CEP170B: variants seen among roughly 807,000 people sequenced by gnomAD.
The protein encoded by CEP170B is centrosomal protein of 170 kDa protein B.
Under a neutral mutation model 120.6 loss-of-function variants are expected in CEP170B, and 55 were observed. The observed-to-expected ratio is 0.46, with a 90% CI of 0.37 to 0.57. CEP170B has a LOEUF of 0.57. CEP170B is among the 20% of genes least tolerant of loss of function. The pLI, the probability that CEP170B is intolerant of heterozygous loss-of-function variation, is 0.00. For synonymous variants in CEP170B, 1,033 were observed against 954.5 expected, an observed-to-expected ratio of 1.08 and a Z score of -1.52; for missense variants, 2,212 against 2,253.3, an observed-to-expected ratio of 0.98 and a Z score of 0.37.
At chr14:104,872,176 C>CGTGT (rs1383889305) in intron 2 of CEP170B, among the ~76,000 whole-genome samples, 1 of 129,778 alleles carries the variant, frequency 7.7e-6, no homozygotes, top group African/African-American at 3.0e-5. Context: ...CGTGTGTGTG[C>CGTGT]GTGTGTGTGC....
At chr14:104,878,327 G>A in intron 4 of CEP170B, 116 bp from the exon 5 acceptor site, 14 of 1,039,494 alleles carry the variant, frequency 1.3e-5, no homozygotes, top group Non-Finnish European at 1.8e-5. Context: ...GAAGAAAGAG[G>A]CCCCTCCTCT....
chr14:104,892,180 G>T (rs1453457934), intron 13 of CEP170B, among the ~76,000 whole-genome samples: 1 of 152,176 alleles, frequency 6.6e-6, no homozygotes, highest in Admixed American at 6.5e-5. Context: ...CCTAAGTGGG[G>T]CAGGACCTGC....
chr14:104,886,164 C>T, intron 11 of CEP170B, 34 bp downstream of exon 11: 2 of 1,498,604 alleles, frequency 1.3e-6, no homozygotes, highest in Non-Finnish European at 1.8e-6. Context: ...GGAGTCGGGC[C>T]AGGCCGGGGC....
At chr14:104,892,155 G>A (rs556025611) in intron 13 of CEP170B, among the ~76,000 whole-genome samples, 4 of 152,134 alleles carry the variant, frequency 2.6e-5, no homozygotes, top group Admixed American at 6.5e-5. Context: ...AGGTCCCCAC[G>A]GCCTGGGCTG....
In CEP170B at chr14:104,887,010, T is replaced by C; in HGVS notation, c.2771T>C (p.Leu924Pro). The C allele has an allele frequency of 6.2e-7, 1 of 1,610,226 alleles. No homozygotes were observed. Residue 924 changes from leucine to proline, a missense_variant, in exon 12 of 19, where the codon CTG becomes CCG. Leu to Pro is a moderately conservative substitution (Grantham distance 98). Transcript: ENST00000414716. The stretch of plus-strand genomic sequence containing the variant: ...GAGACGGAGACGGCCCTGGCGGCCC[T>C]GGAGGCCCGACTCCTCTCTAATTCT... ...LKETETALAALEARLLSNSVD... is the reference protein window; with the variant it reads ...LKETETALAAPEARLLSNSVD...
In CEP170B at chr14:104,894,832, A is replaced by G. The variant is rs767178438; in HGVS notation, c.4539A>G (p.Ser1513=). 19 of 1,577,058 alleles carry G rather than the reference A, an allele frequency of 1.2e-5. No homozygotes were observed. The highest frequency in any genetic ancestry group is 1.5e-5 in the Non-Finnish European group (18 of 1,163,828). ...GCGTGGCTGCCCAGAGCCCACCCTC[A>G]CCCGCCTCAGCCGAGGCCCTGCTGC... is the stretch of plus-strand genomic sequence containing the variant. ...KGRVAAQSPP[S]PASAEALLPA... is the part of the protein sequence containing the mutation. Residue 1513 remains serine (S), a synonymous_variant, in exon 19 of 19, where the codon TCA becomes TCG. Transcript: ENST00000414716.
rs927921242 is a variant in CEP170B at position 104,869,146 on chromosome 14, G to C, written c.105+591G>C. Among the ~76,000 whole-genome samples the C allele has an allele frequency of 8.5e-5, 13 of 152,306 alleles. No individual in the cohort carries two copies. In the East Asian group the frequency reaches 2.5e-3, roughly 29 times the overall value. On this transcript the variant is annotated intron_variant, in intron 2 of 18. Transcript: ENST00000414716. ...GTTTGAGGTCTGAGTTTGGCTTTGT[G>C]GGGCTTGCGATCTGGCTGTTTGAGA... is the stretch of plus-strand genomic sequence containing the variant.
chr14:104,868,639 G>A lies in CEP170B; in HGVS notation c.105+84G>A. 7.6e-7 allele frequency: 1 copy of A among 1,315,598 alleles called. No individual in the cohort carries two copies. The highest frequency in any genetic ancestry group is 1.0e-6 in the Non-Finnish European group (1 of 959,860). 81.5% of individuals were successfully genotyped at this position (1,315,598 alleles called of 1,614,324 possible). Reference sequence around the variant, plus strand: ...GGCCAGGAAGGTGCCCACCCCACTTGCTGCAGGCCACCCTGGCGAGGAGGC... The same window carrying A: ...GGCCAGGAAGGTGCCCACCCCACTTACTGCAGGCCACCCTGGCGAGGAGGC... On this transcript the variant is annotated intron_variant, in intron 2 of 18. Transcript: ENST00000414716. This position sits in a 1 kb window ranked among gnomAD's most constrained non-coding sequence, Gnocchi z 5.9.
At chr14:104,877,845 CG>C (rs2140662395) in intron 3 of CEP170B, 39 bp from the exon 4 acceptor site, 1 of 502,510 alleles carries the variant, frequency 2.0e-6, no homozygotes, top group Non-Finnish European at 3.1e-6. Context: ...CACCCACCCG[CG>C]CAGCTCCCCC....
rs923366655 is a variant in CEP170B at position 104,870,902 on chromosome 14, C to T, written c.105+2347C>T. ...CGAGTGTGGGAAGGCTGTCTGCCTC[C>T]CGGTGCCCCTGCAGCGGCCTCCTAC... On this transcript the variant is annotated intron_variant, in intron 2 of 18. Coordinates refer to ENST00000414716, the MANE Select transcript of CEP170B (RefSeq NM_001112726.3). The surrounding 1 kb of genome is among the most constrained non-coding windows in gnomAD (Gnocchi z 4.1). Among the ~76,000 whole-genome samples the T allele has an allele frequency of 2.0e-5, 3 of 152,044 alleles. No individual in the cohort carries two copies. Among genetic ancestry groups the T allele is most frequent in the Admixed American group, 6.5e-5 (1 of 15,272 alleles).
In CEP170B at chr14:104,870,959, C is replaced by G. The variant is rs1352588523; in HGVS notation, c.105+2404C>G. On this transcript the variant is annotated intron_variant, in intron 2 of 18. Coordinates refer to ENST00000414716, the MANE Select transcript of CEP170B (RefSeq NM_001112726.3). The surrounding 1 kb of genome is among the most constrained non-coding windows in gnomAD (Gnocchi z 4.1). ...ACCGCTGCCCCCTGCCGGCCTCTGT[C>G]ACCCCTCACTCCCTGTGCACCTGCC... is the stretch of plus-strand genomic sequence containing the variant. Among the ~76,000 whole-genome samples, 1 of 152,030 alleles carries G rather than the reference C, an allele frequency of 6.6e-6. No homozygotes were observed. The highest frequency in any genetic ancestry group is 2.4e-5 in the African/African-American group (1 of 41,374).
Position 104,868,408 on chromosome 14 carries a change from A to G in CEP170B, c.-27-16A>G. 1.3e-6 allele frequency: 2 copies of G among 1,528,276 alleles called. No homozygotes were observed. Among genetic ancestry groups the G allele is most frequent in the Non-Finnish European group, 1.8e-6 (2 of 1,130,738 alleles). 94.7% of individuals were successfully genotyped at this position (1,528,276 alleles called of 1,614,324 possible). A position where few individuals can be genotyped will look rare whatever the true frequency, so the allele number is the denominator to read the frequency against. On this transcript the variant is annotated splice_polypyrimidine_tract_variant and intron_variant, in intron 1 of 18. Transcript: ENST00000414716. The surrounding 1 kb of genome is among the most constrained non-coding windows in gnomAD (Gnocchi z 5.9). ...CAGGCCAGGGAGCCCCACTCTAACA[A>G]TCCCCTCTTCCCCAGGGCCAGACGG...
chr14:104,894,225 C>A, intron 16 of CEP170B, 60 bp from the exon 17 acceptor site: 2 of 1,310,934 alleles, frequency 1.5e-6, no homozygotes, highest in Non-Finnish European at 2.2e-6. Flanking sequence ...GAGAATTGTG[C>A]CTCAGCTCTG....
At chr14:104,873,498 G>A (rs1895684017) in intron 2 of CEP170B, among the ~76,000 whole-genome samples, 1 of 152,072 alleles carries the variant, frequency 6.6e-6, no homozygotes, top group Non-Finnish European at 1.5e-5. Context: ...GGCTGACCGA[G>A]GGCTGCCGAG....
chr14:104,882,961 G>C (rs1896236328), intron 7 of CEP170B, 74 bp from the exon 8 acceptor site: 4 of 1,459,662 alleles, frequency 2.7e-6, no homozygotes, highest in Non-Finnish European at 3.6e-6. Context: ...GGGTGGAGTG[G>C]ATGGTCCTGG....
At chr14:104,876,754 G>A (rs983758862) in intron 3 of CEP170B, among the ~76,000 whole-genome samples, 1 of 152,256 alleles carries the variant, frequency 6.6e-6, no homozygotes, top group African/African-American at 2.4e-5. Context: ...GGAAGCACTA[G>A]GCTGGGGAAT....
Position 104,883,348 on chromosome 14 carries a change from C to T in CEP170B, c.891C>T (p.Pro297=). ...ITKFSLRQRR[P]PGKEATPGEM... Reference sequence around the variant, plus strand: ...AGTTTTCCCTGCGCCAGCGGCGGCCCCCGGGCAAGGAGGCCACACCTGGCG... The same window carrying T: ...AGTTTTCCCTGCGCCAGCGGCGGCCTCCGGGCAAGGAGGCCACACCTGGCG... Residue 297 remains proline (P), a synonymous_variant, in exon 8 of 19, where the codon CCC becomes CCT. Coordinates refer to ENST00000414716, the MANE Select transcript of CEP170B (RefSeq NM_001112726.3). 1 of 1,611,170 alleles carries T rather than the reference C, an allele frequency of 6.2e-7. No individual in the cohort carries two copies. The highest frequency in any genetic ancestry group is 8.5e-7 in the Non-Finnish European group (1 of 1,179,400).
At chr14:104,894,477 C>T (rs552104896) in intron 17 of CEP170B, 60 bp from the exon 18 acceptor site, 22 of 1,600,260 alleles carry the variant, frequency 1.4e-5, no homozygotes, top group Admixed American at 3.4e-5. Flanking sequence ...CACAGAGCCC[C>T]GGGGCAGGGC....
intron 3 of CEP170B, 31 bp from the exon 4 acceptor site, chr14:104,877,849 GCTCCC>G (rs762043226): frequency 3.2e-6 from 1 of 315,688 alleles, no homozygotes; most frequent in South Asian, 3.3e-5. Flanking sequence ...CACCCGCGCA[GCTCCC>G]CCCCCCCCCC....
Sources: allele counts gnomAD v4.1 joint callset (sites outside exome capture counted in the v4.1 genomes callset), GRCh38; gene constraint gnomAD v4.1.1; non-coding constraint Gnocchi (gnomAD v3.1); transcripts MANE v1.5; gene names NCBI Gene and HGNC (gene_info 2026-07-23, HGNC 2026-07-21).